Variants in TNR observed in about 807,000 individuals in gnomAD.
TNR encodes the protein tenascin-R.
In TNR, 45 loss-of-function variants were observed where a neutral mutation model predicts 150.4. That is an observed-to-expected ratio of 0.30 (90% CI 0.24 to 0.38). The LOEUF is 0.38. Ranked by LOEUF, TNR falls within the 10% of genes least tolerant of loss-of-function variation. The pLI, the probability that TNR is intolerant of heterozygous loss-of-function variation, is 1.00. For synonymous variants in TNR, 687 were observed against 678.4 expected (o/e 1.01, Z -0.20); for missense variants, 1,544 against 1,759.1 (o/e 0.88, Z 2.19).
intron 1 of TNR, among the ~76,000 whole-genome samples, chr1:175,735,823 G>A (rs1441634828): frequency 6.6e-6 from 1 of 152,216 alleles, no homozygotes; most frequent in Non-Finnish European, 1.5e-5. Context: ...GCTGACTGCA[G>A]AATAGGGCTC....
chr1:175,724,754 C>T (rs1387117906), intron 1 of TNR, among the ~76,000 whole-genome samples: 1 of 152,114 alleles, frequency 6.6e-6, no homozygotes, highest in Non-Finnish European at 1.5e-5. Context: ...GAACATGTAA[C>T]CATGGCACCT....
chr1:175,659,520 A>G (rs1039915873), intron 1 of TNR, among the ~76,000 whole-genome samples: 1 of 151,758 alleles, frequency 6.6e-6, no homozygotes, highest in Admixed American at 6.6e-5. Flanking sequence ...TGCACCAAAC[A>G]CCTCCCTTCT....
intron 2 of TNR, among the ~76,000 whole-genome samples, chr1:175,489,545 C>G (rs1452944375): frequency 1.3e-5 from 2 of 152,130 alleles, no homozygotes; most frequent in African/African-American, 2.4e-5. Flanking sequence ...CTGGGGAGAC[C>G]ATGTAACCTT....
intron 2 of TNR, among the ~76,000 whole-genome samples, chr1:175,431,867 C>A (rs763134616): frequency 1.6e-5 from 2 of 122,272 alleles, no homozygotes. Flanking sequence ...AGGCAGGGGG[C>A]AGGGGGCTGT....
intron 13 of TNR, among the ~76,000 whole-genome samples, 185 bp from the exon 14 acceptor site, chr1:175,362,994 C>T (rs1651674588): frequency 6.6e-6 from 1 of 152,232 alleles, no homozygotes; most frequent in Non-Finnish European, 1.5e-5. Flanking sequence ...GGTCTCACTC[C>T]TTCATTTTAT....
At chr1:175,347,596 T>C (rs1019083626) in intron 18 of TNR, among the ~76,000 whole-genome samples, 10 of 152,118 alleles carry the variant, frequency 6.6e-5, no homozygotes, top group African/African-American at 2.2e-4. Flanking sequence ...CCCAGCTAAC[T>C]TATGTATTTT....
At chr1:175,622,316 G>C (rs1385922951) in intron 1 of TNR, among the ~76,000 whole-genome samples, 4 of 152,302 alleles carry the variant, frequency 2.6e-5, no homozygotes, top group African/African-American at 9.6e-5. Context: ...GTACATGGCA[G>C]AGCTGGGGCA....
chr1:175,403,428 A>T lies in TNR; in HGVS notation c.688T>A (p.Cys230Ser). 1 of 1,614,198 alleles carries T rather than the reference A, an allele frequency of 6.2e-7. No individual in the cohort carries two copies. Among genetic ancestry groups the T allele is most frequent in the Non-Finnish European group, 8.5e-7 (1 of 1,180,044 alleles). Residue 230 changes from cysteine to serine, a missense_variant, in exon 4 of 23, where the codon TGT becomes AGT. Cys to Ser is a moderately radical substitution (Grantham distance 112, BLOSUM62 -1). This residue lies in a region of TNR where 1,254 missense variants were observed against 1,329.4 expected (regional missense o/e 0.94). Transcript: ENST00000367674. ...ICDSEYSGDD[C>S]SELRCPTDCS... is the part of the protein sequence containing the mutation. ...TCTGTTGGGCACCGGAGTTCGGAAC[A>T]GTCATCCCCGCTGTACTCGCTGTCA... is the stretch of plus-strand genomic sequence containing the variant.
At chr1:175,735,249 C>T (rs1010880929) in intron 1 of TNR, among the ~76,000 whole-genome samples, 1 of 152,198 alleles carries the variant, frequency 6.6e-6, no homozygotes, top group Non-Finnish European at 1.5e-5. Context: ...TGGCGCTGCC[C>T]TCTCCTCTGT....
At chr1:175,425,971 C>A (rs764770054) in intron 2 of TNR, among the ~76,000 whole-genome samples, 1 of 152,166 alleles carries the variant, frequency 6.6e-6, no homozygotes, top group Non-Finnish European at 1.5e-5. Flanking sequence ...CAGTCTCTAC[C>A]ACCTGTAAGG....
At position 175,413,007 on chromosome 1, in the gene TNR, C is replaced by T. The variant is rs536439313; in HGVS notation, c.-63-6230G>A. ...ATTGCAAAGAATGCTGACTGTTCTG[C>T]AGGTGGCCTGTCTTTGGCACTTTTT... On this transcript the variant is annotated intron_variant, in intron 2 of 22. Coordinates refer to ENST00000367674, the MANE Select transcript of TNR (RefSeq NM_003285.3). Among the ~76,000 whole-genome samples, 12 of 152,260 alleles carry T rather than the reference C, an allele frequency of 7.9e-5. No homozygotes were observed. In the South Asian group the frequency reaches 2.3e-3, roughly 29 times the overall value.
chr1:175,706,299 T>C (rs1235872368), intron 1 of TNR, among the ~76,000 whole-genome samples: 1 of 152,172 alleles, frequency 6.6e-6, no homozygotes. Context: ...GAGGACTTGG[T>C]ACAGGCTAGG....
Position 175,502,812 on chromosome 1 carries a change from A to G in TNR, c.-64+25457T>C, listed in dbSNP as rs367780755. Among the ~76,000 whole-genome samples the G allele has an allele frequency of 1.4e-4, 22 of 152,316 alleles. No individual in the cohort carries two copies. In the East Asian group the frequency reaches 4.1e-3, roughly 28 times the overall value. On this transcript the variant is annotated intron_variant, in intron 2 of 22. Coordinates refer to ENST00000367674, the MANE Select transcript of TNR (RefSeq NM_003285.3). ...TTTAGAAGATGGTATATAAATTAAC[A>G]TGGTTGGAGTATAGAGTTGGAGGGT...
chr1:175,471,900 C>G (rs1657309725), intron 2 of TNR, among the ~76,000 whole-genome samples: 1 of 152,020 alleles, frequency 6.6e-6, no homozygotes, highest in Non-Finnish European at 1.5e-5. Context: ...AAAATATTTT[C>G]TTTTTTAGAT....
chr1:175,665,577 G>A (rs189293138), intron 1 of TNR, among the ~76,000 whole-genome samples: 4 of 152,334 alleles, frequency 2.6e-5, no homozygotes, highest in Admixed American at 2.0e-4. Context: ...CAGAGCTGTG[G>A]TGTCACCTCA....
intron 1 of TNR, among the ~76,000 whole-genome samples, chr1:175,737,200 T>G (rs1214464677): frequency 6.6e-6 from 1 of 152,208 alleles, no homozygotes; most frequent in Non-Finnish European, 1.5e-5. Context: ...ATGTGAGCGC[T>G]TTATAAAAAC....
At chr1:175,519,599 A>G (rs1557983109) in intron 2 of TNR, among the ~76,000 whole-genome samples, 1 of 152,156 alleles carries the variant, frequency 6.6e-6, no homozygotes, top group Non-Finnish European at 1.5e-5. Flanking sequence ...TTTCTTGGCC[A>G]TTATCACAAT....
At chr1:175,331,068 T>TCTTTCTTC in intron 20 of TNR, among the ~76,000 whole-genome samples, 1 of 133,348 alleles carries the variant, frequency 7.5e-6, no homozygotes, top group Non-Finnish European at 1.6e-5. Flanking sequence ...TTTCTTTCTT[T>TCTTTCTTC]CTTTCTTTCC....
At chr1:175,400,907 C>G (rs563814164) in intron 4 of TNR, among the ~76,000 whole-genome samples, 1 of 152,284 alleles carries the variant, frequency 6.6e-6, no homozygotes, top group South Asian at 2.1e-4. Flanking sequence ...ACCTGTAGCA[C>G]TTGGTTTAAA....
Sources: gnomAD v4.1 joint callset for allele counts (sites outside exome capture counted in the v4.1 genomes callset) on GRCh38, gnomAD v4.1.1 for gene constraint, gnomAD v4.1.1 regional missense constraint, MANE v1.5 for transcripts, NCBI Gene and HGNC (gene_info 2026-07-23, HGNC 2026-07-21) for gene names.